Variants in FAM178B observed in about 807,000 individuals in gnomAD.
FAM178B encodes the protein protein FAM178B.
A neutral mutation model predicts 91.7 loss-of-function variants in FAM178B; 82 were observed. The observed-to-expected ratio is 0.89, with a 90% confidence interval of 0.75 to 1.07. FAM178B has a LOEUF of 1.07. Among genes scored for constraint, FAM178B ranks in the 50% least tolerant of loss-of-function variants. The probability of loss-of-function intolerance (pLI) is 0.00; values close to 1 mark genes in which losing one functional copy is unlikely to be tolerated. For missense variants in FAM178B, 769 were observed against 846.7 expected (o/e 0.91, Z 1.14); for synonymous variants, 368 against 359.4 (o/e 1.02, Z -0.27).
chr2:96,921,771 C>A, intron 10 of FAM178B, 117 bp from the exon 11 acceptor site: 1 of 1,059,808 alleles, frequency 9.4e-7, no homozygotes, highest in Non-Finnish European at 1.4e-6. Flanking sequence ...AGCCCCGCGG[C>A]CATGTTGGGT....
intron 12 of FAM178B, among the ~76,000 whole-genome samples, chr2:96,914,893 C>G (rs1481982564): frequency 6.6e-6 from 1 of 151,916 alleles, no homozygotes; most frequent in African/African-American, 2.4e-5. Flanking sequence ...CAACAACAAA[C>G]AAACCACCAA....
intron 5 of FAM178B, among the ~76,000 whole-genome samples, chr2:96,963,741 G>A (rs1035027638): frequency 1.3e-5 from 2 of 152,204 alleles, no homozygotes; most frequent in Non-Finnish European, 2.9e-5. Flanking sequence ...ACAGCCATGC[G>A]CCTTCATTCA....
intron 6 of FAM178B, chr2:96,956,750 C>T (rs1221390456): frequency 2.6e-5 from 4 of 152,252 alleles, no homozygotes; most frequent in Admixed American, 2.6e-4. Flanking sequence ...ACTAACCAGG[C>T]CGGGCCCTGC....
rs542172503 is a variant in FAM178B, at chr2:96,897,653, T to A, written c.1651-3602A>T. Among the ~76,000 whole-genome samples, 7 of 152,306 alleles carry A rather than the reference T, an allele frequency of 4.6e-5. No individual in the cohort carries two copies. The East Asian group carries it at 1.4e-3, about 29-fold the overall frequency. On this transcript the variant is annotated intron_variant, in intron 13 of 16. Transcript: ENST00000490605. The stretch of plus-strand genomic sequence containing the variant: ...GTACTTGGGAAATGCACCTACAACC[T>A]GACCACTTCTCACCGCCCACGCTGC...
chr2:96,934,922 C>A (rs1387578691), intron 8 of FAM178B, among the ~76,000 whole-genome samples: 1 of 152,222 alleles, frequency 6.6e-6, no homozygotes, highest in Non-Finnish European at 1.5e-5. Flanking sequence ...CCAACACCAT[C>A]TCTATAGGCC....
chr2:96,975,557 G>C (rs1450472283), intron 1 of FAM178B, among the ~76,000 whole-genome samples: 1 of 152,172 alleles, frequency 6.6e-6, no homozygotes, highest in Non-Finnish European at 1.5e-5. Flanking sequence ...TTGTCTTTTT[G>C]CTCAAAACAT....
chr2:96,961,862 G>A (rs1258004799), intron 5 of FAM178B, among the ~76,000 whole-genome samples: 3 of 152,192 alleles, frequency 2.0e-5, no homozygotes, highest in Non-Finnish European at 4.4e-5. Flanking sequence ...TGGGAACGAT[G>A]CTGCAGACCC....
chr2:96,946,616 C>T (rs1468953731), intron 8 of FAM178B, among the ~76,000 whole-genome samples: 2 of 152,236 alleles, frequency 1.3e-5, no homozygotes, highest in Non-Finnish European at 2.9e-5. Context: ...TCTGATCCTT[C>T]CTAATGGGGA....
intron 12 of FAM178B, among the ~76,000 whole-genome samples, chr2:96,920,383 C>T (rs1220380998): frequency 6.6e-6 from 1 of 152,136 alleles, no homozygotes; most frequent in Admixed American, 6.5e-5. Context: ...AGGCACATCA[C>T]GAGGTCAGGA....
intron 13 of FAM178B, among the ~76,000 whole-genome samples, chr2:96,897,519 T>A (rs1332228597): frequency 6.6e-6 from 1 of 152,198 alleles, no homozygotes; most frequent in East Asian, 1.9e-4. Flanking sequence ...TCCCCAAACC[T>A]GCTCCAGCTG....
intron 6 of FAM178B, among the ~76,000 whole-genome samples, chr2:96,959,802 C>T (rs938809742): frequency 2.6e-5 from 4 of 152,202 alleles, no homozygotes; most frequent in Admixed American, 6.5e-5. Context: ...TGCATTTACT[C>T]CCAAAAAGAA....
intron 5 of FAM178B, 75 bp downstream of exon 5, chr2:96,967,443 ACT>A (rs2082157601): frequency 5.8e-6 from 5 of 859,978 alleles, no homozygotes; most frequent in Non-Finnish European, 1.9e-6. Flanking sequence ...GTTGGTCAAA[ACT>A]CTGTCCAAAA....
intron 8 of FAM178B, among the ~76,000 whole-genome samples, chr2:96,930,026 G>A (rs1203798829): frequency 6.6e-6 from 1 of 151,948 alleles, no homozygotes; most frequent in East Asian, 1.9e-4. Flanking sequence ...GACTAGCCTG[G>A]GCAACACGGT....
Position 96,951,462 on chromosome 2 carries a change from A to T in FAM178B, c.910T>A (p.Ser304Thr). 1 of 1,551,186 alleles carries T rather than the reference A, an allele frequency of 6.4e-7. No individual in the cohort carries two copies. The highest frequency in any genetic ancestry group is 2.4e-5 in the East Asian group (1 of 40,886). ...TTCAGGAGGCCACTGCGCAGGAAGGAGAGCTGTTGGGCTGGCGGGGAGCTG... is the reference window on the plus strand; with the variant it reads ...TTCAGGAGGCCACTGCGCAGGAAGGTGAGCTGTTGGGCTGGCGGGGAGCTG... ...FLSSPPAQQL[S>T]FLRSGLLNIL... Residue 304 changes from serine (S) to threonine (T), a missense_variant, in exon 7 of 17, where the codon TCC (serine) becomes ACC (threonine). Ser to Thr is a moderately conservative substitution (Grantham distance 58). Transcript: ENST00000490605.
intron 4 of FAM178B, among the ~76,000 whole-genome samples, chr2:96,968,385 C>T (rs1218211852): frequency 6.6e-6 from 1 of 152,076 alleles, no homozygotes. Flanking sequence ...ACCCTCCTCC[C>T]GCCCTGCAAA....
intron 12 of FAM178B, among the ~76,000 whole-genome samples, chr2:96,912,876 G>C (rs1274527122): frequency 6.6e-6 from 1 of 152,166 alleles, no homozygotes; most frequent in African/African-American, 2.4e-5. Context: ...CCCACAGTGA[G>C]AGCTCTCTGT....
At chr2:96,968,843 G>A (rs1482355178) in intron 4 of FAM178B, among the ~76,000 whole-genome samples, 2 of 152,144 alleles carry the variant, frequency 1.3e-5, no homozygotes, top group Admixed American at 6.5e-5. Context: ...TGTCCAACAA[G>A]GCCCCTCAGG....
At chr2:96,970,860 C>A in intron 3 of FAM178B, 83 bp from the exon 4 acceptor site, 1 of 978,392 alleles carries the variant, frequency 1.0e-6, no homozygotes, top group South Asian at 1.5e-5. Context: ...AAATTAAGCC[C>A]TTTATTTATT....
Position 96,902,669 on chromosome 2 carries a change from C to A in FAM178B, c.1601G>T (p.Arg534Leu). The A allele has an allele frequency of 1.9e-6, 3 of 1,550,864 alleles. No homozygotes were observed. Among genetic ancestry groups the A allele is most frequent in the Non-Finnish European group, 2.6e-6 (3 of 1,146,598 alleles). The part of the protein sequence containing the change: ...RSQLSLVVIA[R>L]MLGQQEMLPL... ...GAGCATCTCCTGCTGGCCCAGCATT[C>A]GAGCAATGACCACAAGGCTGAGCTG... is the stretch of plus-strand genomic sequence containing the variant. Residue 534 changes from arginine (R) to leucine (L), a missense_variant, in exon 13 of 17, where the codon CGA becomes CTA. Transcript: ENST00000490605.
Sources: allele counts gnomAD v4.1 joint callset (sites outside exome capture counted in the v4.1 genomes callset), GRCh38; gene constraint gnomAD v4.1.1; transcripts MANE v1.5; gene names NCBI Gene and HGNC (gene_info 2026-07-23, HGNC 2026-07-21).